The following SESTD1 variants were observed in gnomAD, a reference collection of about 807,000 sequenced individuals.
SESTD1 encodes the protein SEC14 and spectrin domain containing 1, also known as SEC14 domain and spectrin repeat-containing protein 1.
Under a neutral mutation model 101.7 loss-of-function variants are expected in SESTD1, and 43 were observed. That is an observed-to-expected ratio of 0.42 (90% CI 0.33 to 0.55). The LOEUF is 0.55. Among genes scored for constraint, SESTD1 ranks in the 20% least tolerant of loss-of-function variants. The pLI is 0.07. For missense variants in SESTD1, 647 were observed against 815.1 expected (o/e 0.79, Z 2.51); for synonymous variants, 283 against 286.8 (o/e 0.99, Z 0.13).
intron 1 of SESTD1, among the ~76,000 whole-genome samples, chr2:179,193,316 T>G (rs17454458): frequency 0.061 from 9,365 of 152,288 alleles, 378 homozygotes; most frequent in South Asian, 0.13. Context: ...GATGATATAT[T>G]CAAGTTCCCT....
intron 1 of SESTD1, among the ~76,000 whole-genome samples, chr2:179,217,927 CA>C (rs1429326568): frequency 6.7e-6 from 1 of 149,582 alleles, no homozygotes; most frequent in Admixed American, 6.7e-5. Flanking sequence ...GGAAACTGAA[CA>C]ACGAGAACAC....
intron 1 of SESTD1, among the ~76,000 whole-genome samples, chr2:179,216,910 T>G (rs1035220766): frequency 7.0e-6 from 1 of 143,812 alleles, no homozygotes; most frequent in African/African-American, 2.7e-5. Flanking sequence ...TAAATGGTGC[T>G]GGGAAAACTG....
intron 4 of SESTD1, among the ~76,000 whole-genome samples, chr2:179,172,516 G>C (rs539700207): frequency 4.6e-5 from 7 of 152,130 alleles, no homozygotes; most frequent in Admixed American, 1.3e-4. Context: ...AATATGTTTA[G>C]CTTAAACTGT....
chr2:179,243,632 T>C (rs1384343972), intron 1 of SESTD1, among the ~76,000 whole-genome samples: 1 of 152,048 alleles, frequency 6.6e-6, no homozygotes, highest in Non-Finnish European at 1.5e-5. Context: ...CTAGAGGACA[T>C]CATCGTAAGT....
intron 5 of SESTD1, among the ~76,000 whole-genome samples, chr2:179,155,255 C>A (rs952831703): frequency 2.0e-5 from 3 of 151,940 alleles, no homozygotes; most frequent in Non-Finnish European, 4.4e-5. Context: ...GGCTTTCACA[C>A]TAGGGAAATT....
chr2:179,198,536 A>C (rs2046443457), intron 1 of SESTD1, among the ~76,000 whole-genome samples: 1 of 152,116 alleles, frequency 6.6e-6, no homozygotes, highest in African/African-American at 2.4e-5. Context: ...CTATTCCAAA[A>C]TTGACCACAT....
chr2:179,197,879 G>C (rs1445620310), intron 1 of SESTD1, among the ~76,000 whole-genome samples: 1 of 151,848 alleles, frequency 6.6e-6, no homozygotes, highest in Non-Finnish European at 1.5e-5. Flanking sequence ...AGACCATCGA[G>C]ACTAGGAAAA....
intron 9 of SESTD1, among the ~76,000 whole-genome samples, chr2:179,132,967 T>C (rs913645003): frequency 1.3e-5 from 2 of 152,192 alleles, no homozygotes; most frequent in East Asian, 3.8e-4. Context: ...AAAGTTAATA[T>C]ACCACTTTAT....
In SESTD1 at chr2:179,122,999, T is replaced by C. The variant is rs371659501; in HGVS notation, c.1282+716A>G. Among the ~76,000 whole-genome samples the C allele has an allele frequency of 1.9e-4, 29 of 152,364 alleles. No homozygotes were observed. In the South Asian group the frequency reaches 6.0e-3, roughly 32 times the overall value. ...AGTTTTCAATAATTTGGTTTAGTCA[T>C]GTGCAACCACTTTTTACTAGTTCTC... On this transcript the variant is annotated intron_variant, in intron 12 of 17. Transcript: ENST00000428443.
At position 179,203,494 on chromosome 2, in the gene SESTD1, G is replaced by A. The variant is rs78642553; in HGVS notation, c.-25-11628C>T. ...GGTGAACACATCAAGGTGCTGAGAC[G>A]GTAGCACACCCAGAGAGGCCATGGA... is the stretch of plus-strand genomic sequence containing the variant. On this transcript the variant is annotated intron_variant, in intron 1 of 17. Coordinates refer to ENST00000428443, the MANE Select transcript of SESTD1 (RefSeq NM_178123.5). Among the ~76,000 whole-genome samples the A allele has an allele frequency of 1.9e-3, 250 of 132,894 alleles. 50 individuals carry two copies. The highest frequency in any genetic ancestry group is 4.9e-3 in the African/African-American group (163 of 33,370). The allele number at this position is 132,894 out of a possible 152,430, so 87.2% of individuals were successfully genotyped here.
intron 10 of SESTD1, among the ~76,000 whole-genome samples, chr2:179,130,217 G>A (rs2044978376): frequency 6.6e-6 from 1 of 152,030 alleles, no homozygotes; most frequent in Non-Finnish European, 1.5e-5. Flanking sequence ...TCCCCCCTGG[G>A]TATCAAGAGA....
intron 1 of SESTD1, among the ~76,000 whole-genome samples, chr2:179,254,929 CACA>C (rs1252368375): frequency 2.0e-5 from 3 of 152,150 alleles, no homozygotes; most frequent in African/African-American, 7.2e-5. Flanking sequence ...TGGTAATTCT[CACA>C]ACATTTCAAG....
intron 1 of SESTD1, among the ~76,000 whole-genome samples, chr2:179,220,951 A>G (rs1262164875): frequency 6.6e-6 from 1 of 152,222 alleles, no homozygotes; most frequent in African/African-American, 2.4e-5. Flanking sequence ...GTTCAGATGT[A>G]TTTCAGGGCC....
chr2:179,169,447 C>T (rs537282721), intron 5 of SESTD1, among the ~76,000 whole-genome samples: 1 of 151,784 alleles, frequency 6.6e-6, no homozygotes, highest in African/African-American at 2.4e-5. Flanking sequence ...ACACATGAAG[C>T]AAAAACTGAC....
chr2:179,129,507 G>A (rs933484173), intron 10 of SESTD1, among the ~76,000 whole-genome samples: 3 of 152,008 alleles, frequency 2.0e-5, no homozygotes, highest in African/African-American at 7.2e-5. Flanking sequence ...TAACAAATTT[G>A]GGGTTTTTAG....
At chr2:179,254,532 C>T (rs78804597) in intron 1 of SESTD1, among the ~76,000 whole-genome samples, 7,613 of 152,332 alleles carry the variant, frequency 0.05, 245 homozygotes, top group South Asian at 0.09. Context: ...ACAGCAAATA[C>T]AGGCACTAAC....
intron 15 of SESTD1, among the ~76,000 whole-genome samples, chr2:179,115,767 T>C (rs1161864719): frequency 1.3e-5 from 2 of 151,988 alleles, no homozygotes; most frequent in Non-Finnish European, 2.9e-5. Flanking sequence ...AAAATTGTTT[T>C]AAAATTTTTA....
chr2:179,149,210 T>C lies in SESTD1; in HGVS notation c.581+87A>G, dbSNP rs181338276. ...ATGAAGACTTTGTTTACTGTAGTTC[T>C]TTTAGCTTGCATTAACAATAGAGAT... On this transcript the variant is annotated intron_variant, in intron 7 of 17. Coordinates refer to ENST00000428443, the MANE Select transcript of SESTD1 (RefSeq NM_178123.5). 38 of 912,866 alleles carry C rather than the reference T, an allele frequency of 4.2e-5. No individual in the cohort carries two copies. The Admixed American group carries it at 7.6e-4, about 18-fold the overall frequency. 56.5% of individuals were successfully genotyped at this position (912,866 alleles called of 1,614,324 possible).
chr2:179,115,877 T>C (rs945993017), intron 15 of SESTD1, among the ~76,000 whole-genome samples: 2 of 152,238 alleles, frequency 1.3e-5, no homozygotes, highest in African/African-American at 4.8e-5. Flanking sequence ...TGTCTGCTTA[T>C]GAATTAATCA....
Sources: allele counts gnomAD v4.1 joint callset (sites outside exome capture counted in the v4.1 genomes callset), GRCh38; gene constraint gnomAD v4.1.1; transcripts MANE v1.5; gene names NCBI Gene and HGNC (gene_info 2026-07-23, HGNC 2026-07-21).